Variants in AKAP19 observed in about 807,000 individuals in gnomAD.
AKAP19 encodes small A-kinase anchoring protein.
the AKAP19 span, among the ~76,000 whole-genome samples, chr2:190,055,503 G>T: frequency 2.6e-5 from 4 of 152,178 alleles, no homozygotes; most frequent in South Asian, 6.2e-4. Flanking sequence ...AAAGAGAAAT[G>T]AAACAGATAT....
At chr2:190,012,389 A>G in the AKAP19 span, among the ~76,000 whole-genome samples, 1 of 152,158 alleles carries the variant, frequency 6.6e-6, no homozygotes, top group Admixed American at 6.6e-5. Flanking sequence ...TGCTTTTTTA[A>G]TGAAATTGTT....
chr2:189,889,442 T>G, the AKAP19 span, among the ~76,000 whole-genome samples: 4 of 152,202 alleles, frequency 2.6e-5, no homozygotes, highest in Non-Finnish European at 5.9e-5. Flanking sequence ...ACTGGCCTCA[T>G]GAAGTGACTT....
chr2:189,921,670 A>C, the AKAP19 span, among the ~76,000 whole-genome samples: 1 of 152,200 alleles, frequency 6.6e-6, no homozygotes, highest in East Asian at 1.9e-4. Flanking sequence ...GAATGTTTCA[A>C]TAGAGAGGGA....
chr2:190,188,092 G>A, the AKAP19 span, among the ~76,000 whole-genome samples: 4 of 152,110 alleles, frequency 2.6e-5, no homozygotes, highest in Non-Finnish European at 5.9e-5. Context: ...GGAGACAGAG[G>A]GAGAGGGAGT....
chr2:190,112,408 G>C, the AKAP19 span, among the ~76,000 whole-genome samples: 6 of 152,014 alleles, frequency 3.9e-5, no homozygotes, highest in Non-Finnish European at 8.8e-5. Flanking sequence ...TTTCAGGCTT[G>C]TCTTTTGTTG....
chr2:190,180,048 T>C, the AKAP19 span, among the ~76,000 whole-genome samples: 1 of 152,246 alleles, frequency 6.6e-6, no homozygotes, highest in Non-Finnish European at 1.5e-5. This position sits in a 1 kb window ranked among gnomAD's most constrained non-coding sequence, Gnocchi z 6.8. Flanking sequence ...AGAGATACTT[T>C]GTTTGAAAGA....
the AKAP19 span, among the ~76,000 whole-genome samples, chr2:189,887,578 TCC>T: frequency 6.6e-6 from 1 of 152,230 alleles, no homozygotes; most frequent in Non-Finnish European, 1.5e-5. Flanking sequence ...TAATTTACAC[TCC>T]TGCCAACAGC....
chr2:190,068,829 G>A, the AKAP19 span, among the ~76,000 whole-genome samples: 2 of 152,128 alleles, frequency 1.3e-5, no homozygotes, highest in Non-Finnish European at 2.9e-5. Flanking sequence ...AAACTGGCAG[G>A]AGAGATTAGT....
the AKAP19 span, among the ~76,000 whole-genome samples, chr2:190,038,029 A>G: frequency 6.6e-6 from 1 of 152,166 alleles, no homozygotes; most frequent in Admixed American, 6.5e-5. Flanking sequence ...TTGCAGAAGA[A>G]TGATGTGGCC....
At chr2:190,050,217 T>C in the AKAP19 span, among the ~76,000 whole-genome samples, 3 of 152,328 alleles carry the variant, frequency 2.0e-5, no homozygotes, top group South Asian at 6.2e-4. Flanking sequence ...GTTATAGATC[T>C]GTGTTTGCCT....
the AKAP19 span, among the ~76,000 whole-genome samples, chr2:190,192,693 A>G: frequency 6.6e-6 from 1 of 152,120 alleles, no homozygotes; most frequent in Admixed American, 6.5e-5. Flanking sequence ...TCTCAGTAAC[A>G]TTTTGTATTT....
At chr2:190,169,508 A>T in the AKAP19 span, among the ~76,000 whole-genome samples, 1 of 152,196 alleles carries the variant, frequency 6.6e-6, no homozygotes, top group Non-Finnish European at 1.5e-5. Context: ...AGTAACTAAC[A>T]CTTGCTGTGA....
At chr2:190,036,746 A>G in the AKAP19 span, among the ~76,000 whole-genome samples, 1 of 152,206 alleles carries the variant, frequency 6.6e-6, no homozygotes, top group Non-Finnish European at 1.5e-5. Context: ...TTCAGCTGGC[A>G]TTTATTGAGT....
the AKAP19 span, among the ~76,000 whole-genome samples, chr2:190,164,278 T>C: frequency 6.6e-6 from 1 of 152,240 alleles, no homozygotes; most frequent in Non-Finnish European, 1.5e-5. Flanking sequence ...CTCATGCCTG[T>C]TATCCCAGCA....
At chr2:190,093,151 G>A in the AKAP19 span, among the ~76,000 whole-genome samples, 38 of 152,244 alleles carry the variant, frequency 2.5e-4, no homozygotes, top group African/African-American at 9.1e-4. Flanking sequence ...GGCCGGGCAT[G>A]GTGGCTCACG....
At chr2:189,926,161 T>A in the AKAP19 span, among the ~76,000 whole-genome samples, 1 of 152,366 alleles carries the variant, frequency 6.6e-6, no homozygotes, top group Admixed American at 6.5e-5. Context: ...TTCTTGACTA[T>A]TTTCCAAGGA....
the AKAP19 span, among the ~76,000 whole-genome samples, chr2:190,185,832 A>G: frequency 6.6e-6 from 1 of 152,252 alleles, no homozygotes; most frequent in Non-Finnish European, 1.5e-5. Flanking sequence ...GATATAATAC[A>G]ACACTTAATA....
the AKAP19 span, among the ~76,000 whole-genome samples, chr2:190,115,468 C>T: frequency 1.4e-5 from 2 of 140,974 alleles, no homozygotes; most frequent in African/African-American, 5.3e-5. Flanking sequence ...TACAGGCGCC[C>T]GCCACTACGC....
At chr2:190,114,776 T>A in the AKAP19 span, among the ~76,000 whole-genome samples, 51 of 152,262 alleles carry the variant, frequency 3.3e-4, 1 homozygote, top group South Asian at 9.1e-3. Context: ...TTTTTAAGAG[T>A]AAATGTATTT....
Sources: gnomAD v4.1 joint callset for allele counts (sites outside exome capture counted in the v4.1 genomes callset) on GRCh38, gnomAD v4.1.1 for gene constraint, Gnocchi (gnomAD v3.1) non-coding constraint, MANE v1.5 for transcripts, NCBI Gene and HGNC (gene_info 2026-07-23, HGNC 2026-07-21) for gene names.